The following SERINC5 variants were observed in gnomAD, a reference collection of about 807,000 sequenced individuals.
The protein encoded by SERINC5 is serine incorporator 5.
A neutral mutation model predicts 63.1 loss-of-function variants in SERINC5; 41 were observed. That is an observed-to-expected ratio of 0.65 (90% CI 0.51 to 0.84). The LOEUF is 0.84. SERINC5 is among the 40% of genes least tolerant of loss of function. The pLI is 0.00. For missense variants in SERINC5, 523 were observed against 573.0 expected, an observed-to-expected ratio of 0.91 and a Z score of 0.89; for synonymous variants, 222 against 215.2, an observed-to-expected ratio of 1.03 and a Z score of -0.28.
chr5:80,179,289 ACT>A (rs911853927), intron 2 of SERINC5, among the ~76,000 whole-genome samples: 7 of 152,140 alleles, frequency 4.6e-5, no homozygotes, highest in African/African-American at 1.2e-4. Context: ...ACAGAGTGAG[ACT>A]CTGTCCCAAA....
At position 80,177,915 on chromosome 5, in the gene SERINC5, G is replaced by A; in HGVS notation, c.345C>T (p.Ser115=). ...FCLLTLKINN[S]KSCRAHIHNG... is the part of the protein sequence containing the mutation. The stretch of plus-strand genomic sequence containing the variant: ...TGTGAATATGAGCTCTACAACTTTT[G>A]CTGTTGTTGATTTTCAAGGTCAGTA... The change falls in exon 3 of 12, where the codon AGC becomes AGT. Residue 115 remains serine (S), a synonymous_variant. Transcript: ENST00000507668. 1 of 1,610,840 alleles carries A rather than the reference G, an allele frequency of 6.2e-7. No homozygotes were observed. The highest frequency in any genetic ancestry group is 1.1e-5 in the South Asian group (1 of 90,294).
intron 5 of SERINC5, among the ~76,000 whole-genome samples, chr5:80,171,009 TTTTTA>T (rs1292815055): frequency 2.6e-5 from 4 of 152,064 alleles, no homozygotes; most frequent in Non-Finnish European, 4.4e-5. Context: ...CTGTCTAAAT[TTTTTA>T]TTTTATTTTT....
intron 11 of SERINC5, among the ~76,000 whole-genome samples, chr5:80,133,510 A>G (rs1745030976): frequency 6.6e-6 from 1 of 152,240 alleles, no homozygotes; most frequent in South Asian, 2.1e-4. Flanking sequence ...TTGATAACGT[A>G]CAGAAAGAGA....
chr5:80,173,111 A>T (rs1421678242), intron 5 of SERINC5, among the ~76,000 whole-genome samples: 1 of 151,908 alleles, frequency 6.6e-6, no homozygotes, highest in Non-Finnish European at 1.5e-5. Flanking sequence ...CAGCAACTCC[A>T]ACTTCCCATT....
intron 7 of SERINC5, among the ~76,000 whole-genome samples, chr5:80,163,210 A>T (rs1747057631): frequency 1.3e-5 from 2 of 152,100 alleles, no homozygotes. Flanking sequence ...TACTGAATTC[A>T]TTACTCAAAT....
At chr5:80,188,867 G>C (rs899484201) in intron 2 of SERINC5, among the ~76,000 whole-genome samples, 1 of 152,138 alleles carries the variant, frequency 6.6e-6, no homozygotes, top group Admixed American at 6.5e-5. Context: ...GGTTGAGGCT[G>C]CAGTGAGCCA....
chr5:80,197,880 G>A (rs1383109870), intron 2 of SERINC5, among the ~76,000 whole-genome samples: 8 of 151,950 alleles, frequency 5.3e-5, no homozygotes, highest in South Asian at 2.1e-4. Flanking sequence ...TCACTCTGTC[G>A]CCAGGCTGGA....
At chr5:80,182,868 C>T (rs1246128741) in intron 2 of SERINC5, among the ~76,000 whole-genome samples, 1 of 152,056 alleles carries the variant, frequency 6.6e-6, no homozygotes, top group Non-Finnish European at 1.5e-5. Flanking sequence ...TTTAAAATTG[C>T]TTTTTCTCCT....
chr5:80,208,759 G>C (rs1750296154), intron 1 of SERINC5, among the ~76,000 whole-genome samples: 1 of 152,184 alleles, frequency 6.6e-6, no homozygotes, highest in Admixed American at 6.5e-5. Context: ...AAGACACAGA[G>C]ATTTAGGTAT....
At chr5:80,214,380 G>GA (rs760487845) in intron 1 of SERINC5, among the ~76,000 whole-genome samples, 2 of 152,090 alleles carry the variant, frequency 1.3e-5, no homozygotes, top group African/African-American at 4.8e-5. Context: ...CTTATAATTA[G>GA]AAAAACATTA....
chr5:80,202,791 T>G, intron 2 of SERINC5, 95 bp downstream of exon 2: 1 of 1,247,014 alleles, frequency 8.0e-7, no homozygotes, highest in South Asian at 1.5e-5. Context: ...CCAAAACACA[T>G]GGGGGTACAT....
intron 1 of SERINC5, among the ~76,000 whole-genome samples, chr5:80,241,994 G>A (rs1022383679): frequency 6.6e-6 from 1 of 151,692 alleles, no homozygotes; most frequent in Non-Finnish European, 1.5e-5. Context: ...ATCCATGTCA[G>A]GTGATGCATA....
At chr5:80,145,271 G>A (rs146452095) in intron 11 of SERINC5, among the ~76,000 whole-genome samples, 1,937 of 152,080 alleles carry the variant, frequency 0.013, 47 homozygotes, top group African/African-American at 0.045. Context: ...TTGAACCCAG[G>A]GGCGGAGGTT....
intron 1 of SERINC5, among the ~76,000 whole-genome samples, chr5:80,204,992 C>G (rs564149425): frequency 6.6e-6 from 1 of 152,340 alleles, no homozygotes; most frequent in Non-Finnish European, 1.5e-5. Context: ...ACACGGTGGG[C>G]TCCGTGGGAA....
intron 1 of SERINC5, among the ~76,000 whole-genome samples, chr5:80,237,064 T>G (rs1424124766): frequency 1.3e-5 from 2 of 152,000 alleles, no homozygotes. Flanking sequence ...TGACCTCAGG[T>G]GATCCACCCG....
chr5:80,180,145 T>A (rs752967382), intron 2 of SERINC5, among the ~76,000 whole-genome samples: 3 of 152,214 alleles, frequency 2.0e-5, no homozygotes, highest in African/African-American at 4.8e-5. Flanking sequence ...ATTAGAAGAC[T>A]TCCACATGAA....
intron 8 of SERINC5, chr5:80,156,891 G>C (rs978569014): frequency 3.3e-5 from 5 of 151,720 alleles, no homozygotes; most frequent in African/African-American, 1.2e-4. Flanking sequence ...CCCTATGTGT[G>C]GTAACCATTA....
At chr5:80,166,314 A>G in intron 7 of SERINC5, 69 bp downstream of exon 7, 1 of 1,091,316 alleles carries the variant, frequency 9.2e-7, no homozygotes, top group Non-Finnish European at 1.4e-6. Context: ...ATATTTAAAC[A>G]ATAGCTCATT....
At chr5:80,193,931 G>C (rs943272818) in intron 2 of SERINC5, among the ~76,000 whole-genome samples, 2 of 152,196 alleles carry the variant, frequency 1.3e-5, no homozygotes, top group African/African-American at 2.4e-5. Context: ...AGGGAACTCA[G>C]AGGATTTAAG....
Sources: gnomAD v4.1 joint callset for allele counts (sites outside exome capture counted in the v4.1 genomes callset) on GRCh38, gnomAD v4.1.1 for gene constraint, MANE v1.5 for transcripts, NCBI Gene and HGNC (gene_info 2026-07-23, HGNC 2026-07-21) for gene names.